The following OR2J3 variants were observed in gnomAD, a reference collection of about 807,000 sequenced individuals.
OR2J3 encodes olfactory receptor 2J3.
Under a neutral mutation model 18.5 loss-of-function variants are expected in OR2J3, and 13 were observed. That is an observed-to-expected ratio of 0.70 (90% CI 0.46 to 1.12). The LOEUF (loss-of-function observed/expected upper bound fraction) is 1.12, where lower values mean the gene tolerates loss of function less well. Ranked by LOEUF, OR2J3 falls within the 50% of genes most tolerant of loss-of-function variation. The pLI is 0.00. For missense variants in OR2J3, 321 were observed against 371.6 expected, an observed-to-expected ratio of 0.86 and a Z score of 1.12; for synonymous variants, 142 against 140.6, an observed-to-expected ratio of 1.01 and a Z score of -0.07.
chr6:29,112,791 AG>A lies in OR2J3; in HGVS notation c.902del (p.Arg301LysfsTer4). 1 of 1,613,592 alleles carries A rather than the reference AG, an allele frequency of 6.2e-7. No individual in the cohort carries two copies. Among genetic ancestry groups the A allele is most frequent in the Non-Finnish European group, 8.5e-7 (1 of 1,179,598 alleles). Reference protein sequence around the residue: ...LIYTLRNKVVRGAVKRLMGWE With the variant: ...LIYTLRNKVVXGAVKRLMGWE ...CTACACCCTCAGAAACAAAGTTGTA[AG>A]AGGGGCAGTGAAGAGACTAATGGGG... On this transcript the variant is annotated frameshift_variant, in exon 4 of 4. Coordinates refer to ENST00000641151, the MANE Select transcript of OR2J3 (RefSeq NM_001005216.4). LOFTEE classifies it high-confidence loss of function.
chr6:29,112,389 T>A lies in OR2J3; in HGVS notation c.499T>A (p.Phe167Ile), dbSNP rs772240328. 3.7e-6 allele frequency: 6 copies of A among 1,614,014 alleles called. No homozygotes were observed. In the Admixed American group the frequency reaches 8.3e-5, roughly 22 times the overall value. Residue 167 changes from phenylalanine (F) to isoleucine (I), a missense_variant, in exon 4 of 4, where the codon TTC (phenylalanine) becomes ATC (isoleucine). Physicochemically the swap from Phe to Ile is conservative, Grantham distance 21. Coordinates refer to ENST00000641151, the MANE Select transcript of OR2J3 (RefSeq NM_001005216.4). ...CTCAGCACTTCATTCCTCCTTCACC[T>A]TCTGGGTACCTCTGTGTGGACACCG... ...TNSALHSSFTFWVPLCGHRQV... is the reference protein window; with the variant it reads ...TNSALHSSFTIWVPLCGHRQV...
In OR2J3 at chr6:29,113,995, T is replaced by C. The variant is rs900548931; in HGVS notation, c.*1169T>C. The stretch of plus-strand genomic sequence containing the variant: ...TAACGTACTTGCAATGCCTGAGTTT[T>C]CTCTATAACTCAAATGTCAGCTGTA... On this transcript the variant is annotated 3_prime_UTR_variant, in exon 4 of 4. Coordinates refer to ENST00000641151, the MANE Select transcript of OR2J3 (RefSeq NM_001005216.4). 1.3e-5 allele frequency: 2 copies of C among 152,172 alleles called. No individual in the cohort carries two copies. The highest frequency in any genetic ancestry group is 4.8e-5 in the African/African-American group (2 of 41,452). 9.4% of individuals were successfully genotyped at this position (152,172 alleles called of 1,614,324 possible).
At position 29,112,917 on chromosome 6, in the gene OR2J3, C is replaced by T. The variant is rs1002394973; in HGVS notation, c.*91C>T. On this transcript the variant is annotated 3_prime_UTR_variant, in exon 4 of 4. Coordinates refer to ENST00000641151, the MANE Select transcript of OR2J3 (RefSeq NM_001005216.4). ...TATTTATCAACCATTCTTTTATTCA[C>T]TCACTCTGTTAGCACTTGCTGAGCA... 2.1e-6 allele frequency: 3 copies of T among 1,435,012 alleles called. No individual in the cohort carries two copies. Among genetic ancestry groups the T allele is most frequent in the Non-Finnish European group, 2.8e-6 (3 of 1,083,888 alleles). 88.9% of individuals were successfully genotyped at this position (1,435,012 alleles called of 1,614,324 possible).
At chr6:29,111,055 A>C (rs1436082376) in intron 3 of OR2J3, among the ~76,000 whole-genome samples, 1 of 152,184 alleles carries the variant, frequency 6.6e-6, no homozygotes, top group African/African-American at 2.4e-5. Context: ...ATATGGGCAC[A>C]ATATTATTAT....
Position 29,114,700 on chromosome 6 carries a change from A to G in OR2J3, c.*1874A>G, listed in dbSNP as rs1487906538. On this transcript the variant is annotated 3_prime_UTR_variant, in exon 4 of 4. Coordinates refer to ENST00000641151, the MANE Select transcript of OR2J3 (RefSeq NM_001005216.4). The stretch of plus-strand genomic sequence containing the variant: ...TAGATCTCTTGAATTTGTTCCTTCC[A>G]TCTGAAACTTTGTACCCTTTGACCA... The G allele has an allele frequency of 3.9e-5, 6 of 152,020 alleles. No homozygotes were observed. The highest frequency in any genetic ancestry group is 2.4e-5 in the African/African-American group (1 of 41,400). The allele number at this position is 152,020 out of a possible 1,614,324, so 9.4% of individuals were successfully genotyped here.
Position 29,110,427 on chromosome 6 carries a change from A to G in OR2J3, c.-10-1454A>G, listed in dbSNP as rs1369686830. Among the ~76,000 whole-genome samples the G allele has an allele frequency of 2.0e-5, 3 of 152,178 alleles. No homozygotes were observed. The East Asian group carries it at 5.8e-4, about 29-fold the overall frequency. ...ATTTTCCACATATCTTTTCATCCAT[A>G]TGTAAGATTATTGTGATTGCAATGA... On this transcript the variant is annotated intron_variant, in intron 3 of 3. Transcript: ENST00000641151.
chr6:29,109,976 C>T (rs894919109), intron 3 of OR2J3, among the ~76,000 whole-genome samples: 5 of 152,064 alleles, frequency 3.3e-5, no homozygotes, highest in Admixed American at 6.5e-5. Context: ...CATGTAGAAA[C>T]CTTCTTCAGG....
chr6:29,110,811 T>G (rs1302547039), intron 3 of OR2J3, among the ~76,000 whole-genome samples: 1 of 152,128 alleles, frequency 6.6e-6, no homozygotes, highest in East Asian at 1.9e-4. Context: ...AGTTTACATT[T>G]TCCCCCAAAG....
chr6:29,110,829 A>G (rs979623885), intron 3 of OR2J3, among the ~76,000 whole-genome samples: 4 of 151,644 alleles, frequency 2.6e-5, no homozygotes, highest in African/African-American at 9.7e-5. Flanking sequence ...AAGCTTTGTT[A>G]TATCATCTAT....
intron 3 of OR2J3, chr6:29,109,722 G>T (rs978708460): frequency 1.3e-5 from 2 of 152,086 alleles, no homozygotes; most frequent in Non-Finnish European, 2.9e-5. Flanking sequence ...TTCTATGAAA[G>T]ATTGAAAACT....
In OR2J3 at chr6:29,112,532, C is replaced by T. The variant is rs376766441; in HGVS notation, c.642C>T (p.Leu214=). 7.4e-6 allele frequency: 12 copies of T among 1,614,014 alleles called. No homozygotes were observed. The highest frequency in any genetic ancestry group is 2.2e-5 in the South Asian group (2 of 91,088). The change falls in exon 4 of 4, where the codon CTC becomes CTT. Residue 214 remains leucine (L), a synonymous_variant. Transcript: ENST00000641151. ...ITSSIFVLIP[L]ILILTSYGAI... ...GCTCCATATTTGTTCTCATACCTCT[C>T]ATCCTCATTCTCACTTCTTATGGTG...
intron 3 of OR2J3, among the ~76,000 whole-genome samples, chr6:29,110,894 T>TCTAC (rs1162673652): frequency 5.0e-5 from 7 of 140,728 alleles, no homozygotes; most frequent in Non-Finnish European, 7.8e-5. Flanking sequence ...TATCTATCTA[T>TCTAC]CTACCTATCT....
At chr6:29,111,661 A>T (rs1236005839) in intron 3 of OR2J3, 2 of 515,860 alleles carry the variant, frequency 3.9e-6, no homozygotes, top group Non-Finnish European at 6.7e-6. Context: ...GAATAGCTTT[A>T]TCTTCACCAT....
chr6:29,110,327 C>T (rs1260437016), intron 3 of OR2J3, among the ~76,000 whole-genome samples: 1 of 152,140 alleles, frequency 6.6e-6, no homozygotes, highest in Non-Finnish European at 1.5e-5. Context: ...AAACAAATCA[C>T]AAGATAAGAT....
chr6:29,112,905 T>C lies in OR2J3; in HGVS notation c.*79T>C. On this transcript the variant is annotated 3_prime_UTR_variant, in exon 4 of 4. Transcript: ENST00000641151. ...CATCCTTCTATTTATTTATCAACCA[T>C]TCTTTTATTCACTCACTCTGTTAGC... 2.7e-6 allele frequency: 4 copies of C among 1,468,400 alleles called. No homozygotes were observed. Among genetic ancestry groups the C allele is most frequent in the African/African-American group, 1.4e-5 (1 of 71,112 alleles). The allele number at this position is 1,468,400 out of a possible 1,614,324, so 91.0% of individuals were successfully genotyped here.
At chr6:29,109,731 C>T (rs1236580902) in intron 3 of OR2J3, 1 of 151,984 alleles carries the variant, frequency 6.6e-6, no homozygotes, top group African/African-American at 2.4e-5. Flanking sequence ...AGATTGAAAA[C>T]TCACTGGAGA....
intron 3 of OR2J3, chr6:29,111,666 C>T: frequency 1.9e-6 from 1 of 520,464 alleles, no homozygotes; most frequent in South Asian, 3.2e-5. Context: ...GCTTTATCTT[C>T]ACCATTCATT....
Position 29,114,006 on chromosome 6 carries a change from C to G in OR2J3, c.*1180C>G, listed in dbSNP as rs907751122. On this transcript the variant is annotated 3_prime_UTR_variant, in exon 4 of 4. Coordinates refer to ENST00000641151, the MANE Select transcript of OR2J3 (RefSeq NM_001005216.4). Reference sequence around the variant, plus strand: ...CAATGCCTGAGTTTTCTCTATAACTCAAATGTCAGCTGTAGCTTTTGAGGC... The same window carrying G: ...CAATGCCTGAGTTTTCTCTATAACTGAAATGTCAGCTGTAGCTTTTGAGGC... 1.3e-5 allele frequency: 2 copies of G among 152,102 alleles called. No individual in the cohort carries two copies. The highest frequency in any genetic ancestry group is 4.8e-5 in the African/African-American group (2 of 41,430). 9.4% of individuals were successfully genotyped at this position (152,102 alleles called of 1,614,324 possible).
At chr6:29,111,145 T>C (rs62407639) in intron 3 of OR2J3, among the ~76,000 whole-genome samples, 16,447 of 152,178 alleles carry the variant, frequency 0.11, 1,143 homozygotes, top group East Asian at 0.36. Flanking sequence ...AAATCCAGGA[T>C]TGTACACTGA....
Sources: allele counts gnomAD v4.1 joint callset (sites outside exome capture counted in the v4.1 genomes callset), GRCh38; gene constraint gnomAD v4.1.1; transcripts MANE v1.5; gene names NCBI Gene and HGNC (gene_info 2026-07-23, HGNC 2026-07-21).